Variants in IQSEC1 observed in about 807,000 individuals in gnomAD.
The protein encoded by IQSEC1 is IQ motif and SEC7 domain-containing protein 1.
In IQSEC1, 31 loss-of-function variants were observed where a neutral mutation model predicts 91.0. The observed-to-expected ratio is 0.34, with a 90% CI of 0.26 to 0.46. The LOEUF is 0.46. IQSEC1 is among the 20% of genes least tolerant of loss of function. The probability of loss-of-function intolerance (pLI) is 1.00; values close to 1 mark genes in which losing one functional copy is unlikely to be tolerated. For missense variants in IQSEC1, 1,388 were observed against 1,575.6 expected (o/e 0.88, Z 2.02); for synonymous variants, 699 against 662.6 (o/e 1.05, Z -0.84).
chr3:13,223,840 G>A lies in IQSEC1; in HGVS notation c.272+58871C>T, dbSNP rs115739697. ...ACTCAGAGAGAGGAGGGAAGAAAGG[G>A]GACATCTTGTGCCCTAGAAATTCAC... On this transcript the variant is annotated intron_variant, in intron 1 of 15. Transcript: ENST00000648114. Among the ~76,000 whole-genome samples the A allele has an allele frequency of 5.7e-3, 866 of 152,292 alleles. 11 individuals are homozygous for A. Among genetic ancestry groups the A allele is most frequent in the African/African-American group, 0.019 (780 of 41,558 alleles).
intron 1 of IQSEC1, among the ~76,000 whole-genome samples, chr3:13,184,965 G>C (rs1693906101): frequency 6.6e-6 from 1 of 152,110 alleles, no homozygotes; most frequent in South Asian, 2.1e-4. Context: ...TAGGGCCATG[G>C]GTCTAAAGCA....
chr3:13,213,509 C>G (rs1204377647), intron 1 of IQSEC1, among the ~76,000 whole-genome samples: 2 of 152,180 alleles, frequency 1.3e-5, no homozygotes, highest in Non-Finnish European at 2.9e-5. Context: ...GCTCCTTGAG[C>G]TTCTCTGTGA....
intron 1 of IQSEC1, among the ~76,000 whole-genome samples, chr3:13,027,442 T>C (rs1703663884): frequency 6.6e-6 from 1 of 152,182 alleles, no homozygotes; most frequent in Non-Finnish European, 1.5e-5. Flanking sequence ...GGCCTCACTT[T>C]ACTTGCTGTG....
intron 1 of IQSEC1, chr3:12,986,846 G>A: frequency 3.7e-6 from 1 of 269,200 alleles, no homozygotes; most frequent in South Asian, 2.7e-5. Context: ...CTTGCTGTGG[G>A]CTGTGGCATC....
At chr3:13,151,557 C>T (rs1706998614) in intron 2 of IQSEC1, among the ~76,000 whole-genome samples, 1 of 152,140 alleles carries the variant, frequency 6.6e-6, no homozygotes, top group Non-Finnish European at 1.5e-5. Context: ...CGGGGAGGCC[C>T]CACACCAAAG....
intron 1 of IQSEC1, among the ~76,000 whole-genome samples, chr3:13,240,672 A>C (rs1695006800): frequency 6.6e-6 from 1 of 152,096 alleles, no homozygotes; most frequent in African/African-American, 2.4e-5. Flanking sequence ...CAGGTCCGTC[A>C]CTCTGTAAGC....
chr3:13,135,276 C>T (rs1706688686), intron 2 of IQSEC1, among the ~76,000 whole-genome samples: 1 of 152,222 alleles, frequency 6.6e-6, no homozygotes, highest in African/African-American at 2.4e-5. Context: ...GACTGAGCCA[C>T]AGTCATGGTC....
At chr3:12,957,510 TTAAA>T (rs1410084977) in intron 1 of IQSEC1, among the ~76,000 whole-genome samples, 15 of 152,340 alleles carry the variant, frequency 9.8e-5, no homozygotes, top group African/African-American at 3.6e-4. Context: ...CCAAATGGAC[TTAAA>T]TAAAGCAGTT....
At chr3:12,969,066 T>C (rs1221712394) in intron 1 of IQSEC1, among the ~76,000 whole-genome samples, 1 of 152,190 alleles carries the variant, frequency 6.6e-6, no homozygotes, top group African/African-American at 2.4e-5. Context: ...AGGAACCCAG[T>C]GCCCCTTCAC....
In IQSEC1 at chr3:12,952,969, C is replaced by G. The variant is rs138569835; in HGVS notation, c.24-11104G>C. Among the ~76,000 whole-genome samples, 1,310 of 152,282 alleles carry G rather than the reference C, an allele frequency of 8.6e-3. 12 individuals carry two copies. The highest frequency in any genetic ancestry group is 0.031 in the Middle Eastern group (9 of 294). On this transcript the variant is annotated intron_variant, in intron 1 of 13. Coordinates refer to ENST00000613206, the MANE Select transcript of IQSEC1 (RefSeq NM_001134382.3). Reference sequence around the variant, plus strand: ...CCTGGCCGGAGGAAGAGGTCGGGCTCGTGGGTGGGCACACCACCGGAGGCA... The same window carrying G: ...CCTGGCCGGAGGAAGAGGTCGGGCTGGTGGGTGGGCACACCACCGGAGGCA...
At chr3:13,039,951 C>G (rs1236116714) in intron 1 of IQSEC1, among the ~76,000 whole-genome samples, 1 of 152,228 alleles carries the variant, frequency 6.6e-6, no homozygotes, top group African/African-American at 2.4e-5. Flanking sequence ...TACTTCTCCC[C>G]GTGCTTTGGT....
chr3:13,079,067 G>A (rs1705606375), intron 2 of IQSEC1, among the ~76,000 whole-genome samples: 1 of 152,236 alleles, frequency 6.6e-6, no homozygotes, highest in Non-Finnish European at 1.5e-5. Context: ...ACAAGGCCCT[G>A]GGTGTCCCAA....
intron 1 of IQSEC1, among the ~76,000 whole-genome samples, chr3:12,974,447 C>A (rs1253244562): frequency 6.6e-6 from 1 of 152,224 alleles, no homozygotes; most frequent in Non-Finnish European, 1.5e-5. Context: ...CCTCCTGGTC[C>A]CCCTGCAGAG....
intron 1 of IQSEC1, among the ~76,000 whole-genome samples, chr3:12,985,494 C>A (rs972439360): frequency 5.3e-5 from 8 of 151,944 alleles, no homozygotes; most frequent in African/African-American, 1.9e-4. Flanking sequence ...TAACAATCCC[C>A]CCCCCCCCGC....
At chr3:12,905,641 C>T (rs924331824) in intron 12 of IQSEC1, among the ~76,000 whole-genome samples, 1 of 152,214 alleles carries the variant, frequency 6.6e-6, no homozygotes, top group Non-Finnish European at 1.5e-5. Context: ...GGGATGTGGC[C>T]AGGGCAAGAG....
intron 1 of IQSEC1, among the ~76,000 whole-genome samples, chr3:13,183,293 A>G (rs1332518005): frequency 6.6e-6 from 1 of 152,170 alleles, no homozygotes; most frequent in Non-Finnish European, 1.5e-5. Context: ...TAAAAATAAG[A>G]GAAGAAATCC....
chr3:13,242,376 C>G, intron 1 of IQSEC1, among the ~76,000 whole-genome samples: 1 of 152,206 alleles, frequency 6.6e-6, no homozygotes, highest in Non-Finnish European at 1.5e-5. Context: ...GCTTCTGGCT[C>G]TGTGCTACAC....
intron 1 of IQSEC1, among the ~76,000 whole-genome samples, chr3:13,190,559 A>AAAAACAAAAG (rs1362848277): frequency 6.6e-6 from 1 of 150,776 alleles, no homozygotes; most frequent in Admixed American, 6.6e-5. Flanking sequence ...CTGTCTCAAA[A>AAAAACAAAAG]AAAAAAAACA....
chr3:13,152,089 C>T (rs772738701), intron 2 of IQSEC1, among the ~76,000 whole-genome samples: 1 of 152,214 alleles, frequency 6.6e-6, no homozygotes, highest in Non-Finnish European at 1.5e-5. Flanking sequence ...TCCCAAATAT[C>T]TAATTAGCAA....
Sources: allele counts gnomAD v4.1 joint callset (sites outside exome capture counted in the v4.1 genomes callset), GRCh38; gene constraint gnomAD v4.1.1; transcripts MANE v1.5; gene names NCBI Gene and HGNC (gene_info 2026-07-23, HGNC 2026-07-21).